The following GPCPD1 variants were observed in gnomAD, a reference collection of about 807,000 sequenced individuals.
GPCPD1 encodes the protein glycerophosphocholine phosphodiesterase GPCPD1.
GPCPD1 carries 29 observed loss-of-function variants against 89.2 expected under a neutral mutation model. That is an observed-to-expected ratio of 0.33 (90% CI 0.24 to 0.44). The LOEUF (loss-of-function observed/expected upper bound fraction) is 0.44, where lower values mean the gene tolerates loss of function less well. Among genes scored for constraint, GPCPD1 ranks in the 20% least tolerant of loss-of-function variants. GPCPD1 has a pLI of 1.00. For synonymous variants in GPCPD1, 258 were observed against 266.3 expected, an observed-to-expected ratio of 0.97 and a Z score of 0.30; for missense variants, 594 against 808.9, an observed-to-expected ratio of 0.73 and a Z score of 3.22.
chr20:5,554,724 G>C (rs184681991), intron 19 of GPCPD1, among the ~76,000 whole-genome samples: 91 of 152,330 alleles, frequency 6.0e-4, no homozygotes, highest in Middle Eastern at 3.4e-3. Flanking sequence ...CATGGATCAA[G>C]GAGTCACTTT....
At chr20:5,571,158 G>A (rs920874855) in intron 11 of GPCPD1, among the ~76,000 whole-genome samples, 2 of 152,146 alleles carry the variant, frequency 1.3e-5, no homozygotes, top group Non-Finnish European at 2.9e-5. Context: ...GAATACACAT[G>A]GATCACAGAC....
At chr20:5,597,353 A>AT (rs1979805039) in intron 3 of GPCPD1, among the ~76,000 whole-genome samples, 1 of 152,104 alleles carries the variant, frequency 6.6e-6, no homozygotes, top group African/African-American at 2.4e-5. Flanking sequence ...AATGACCAGC[A>AT]TTTTTTGTTT....
intron 2 of GPCPD1, among the ~76,000 whole-genome samples, chr20:5,600,372 T>C (rs1002864104): frequency 1.3e-5 from 2 of 148,366 alleles, no homozygotes; most frequent in African/African-American, 5.0e-5. Flanking sequence ...CTTGGCCAAC[T>C]AGCAAAACCC....
At chr20:5,549,675 G>T (rs1413880171) in intron 19 of GPCPD1, among the ~76,000 whole-genome samples, 2 of 149,412 alleles carry the variant, frequency 1.3e-5, no homozygotes, top group African/African-American at 5.0e-5. Flanking sequence ...AACTCAGGAG[G>T]TCAAGGGAGC....
chr20:5,560,038 G>T lies in GPCPD1; in HGVS notation c.1434C>A (p.Asp478Glu). The change falls in exon 17 of 20, where the codon GAC becomes GAA. Residue 478 changes from aspartate (D) to glutamate (E), a missense_variant. Physicochemically the swap from Asp to Glu is conservative, Grantham distance 45. Coordinates refer to ENST00000379019, the MANE Select transcript of GPCPD1 (RefSeq NM_019593.5). Reference sequence around the variant, plus strand: ...AAATTATATCCAAAAACAGATTCATGTCAAAATATGTTGATAAGTTACCAT... The same window carrying T: ...AAATTATATCCAAAAACAGATTCATTTCAAAATATGTTGATAAGTTACCAT... ...MWDGNLSTYF[D>E]MNLFLDIILK... 1 of 1,581,124 alleles carries T rather than the reference G, an allele frequency of 6.3e-7. No homozygotes were observed. Among genetic ancestry groups the T allele is most frequent in the Non-Finnish European group, 8.6e-7 (1 of 1,161,158 alleles).
chr20:5,553,388 A>C (rs1265778768), intron 19 of GPCPD1, among the ~76,000 whole-genome samples: 1 of 152,128 alleles, frequency 6.6e-6, no homozygotes, highest in South Asian at 2.1e-4. Context: ...CCCTATTCTC[A>C]GAGACACATC....
intron 2 of GPCPD1, among the ~76,000 whole-genome samples, chr20:5,602,268 C>G (rs1980214234): frequency 6.6e-6 from 1 of 152,254 alleles, no homozygotes; most frequent in South Asian, 2.1e-4. Context: ...CCCAATCAAG[C>G]TGACACTTCT....
chr20:5,558,676 T>A lies in GPCPD1; in HGVS notation c.1668+8A>T. On this transcript the variant is annotated splice_region_variant and intron_variant, in intron 18 of 19. Transcript: ENST00000379019. ...CATTAAAAAGATAAAAATTCAAACA[T>A]AACTTACCAGTAGATTTTCAAACTG... 6.6e-7 allele frequency: 1 copy of A among 1,517,402 alleles called. No individual in the cohort carries two copies. Among genetic ancestry groups the A allele is most frequent in the Non-Finnish European group, 9.0e-7 (1 of 1,115,786 alleles). 94.0% of individuals were successfully genotyped at this position (1,517,402 alleles called of 1,614,324 possible). A position where few individuals can be genotyped will look rare whatever the true frequency, so the allele number is the denominator to read the frequency against.
intron 13 of GPCPD1, among the ~76,000 whole-genome samples, 160 bp from the exon 14 acceptor site, chr20:5,566,932 A>G (rs1326920967): frequency 6.6e-6 from 1 of 152,224 alleles, no homozygotes; most frequent in Non-Finnish European, 1.5e-5. Flanking sequence ...TATATATTTT[A>G]TATGTGCATA....
Position 5,584,331 on chromosome 20 carries a change from T to C in GPCPD1, c.308-9A>G, listed in dbSNP as rs767918548. ...AATAATAATTTCGCTTTCTAGAATTTAAGGAAAATAGAAAATTTAGTTAAA... is the reference window on the plus strand; with the variant it reads ...AATAATAATTTCGCTTTCTAGAATTCAAGGAAAATAGAAAATTTAGTTAAA... On this transcript the variant is annotated splice_polypyrimidine_tract_variant and intron_variant, in intron 5 of 19. Coordinates refer to ENST00000379019, the MANE Select transcript of GPCPD1 (RefSeq NM_019593.5). 7.7e-7 allele frequency: 1 copy of C among 1,304,994 alleles called. No homozygotes were observed. The highest frequency in any genetic ancestry group is 1.8e-4 in the Middle Eastern group (1 of 5,486). The allele number at this position is 1,304,994 out of a possible 1,614,324, so 80.8% of individuals were successfully genotyped here.
rs192674435 is a variant in GPCPD1 at position 5,558,200 on chromosome 20, G to A, written c.1669-95C>T. 3.3e-3 allele frequency: 2,153 copies of A among 650,944 alleles called. 14 individuals carry two copies. The highest frequency in any genetic ancestry group is 2.6e-3 in the Non-Finnish European group (1,023 of 391,514). 40.3% of individuals were successfully genotyped at this position (650,944 alleles called of 1,614,324 possible). A position where few individuals can be genotyped will look rare whatever the true frequency, so the allele number is the denominator to read the frequency against. On this transcript the variant is annotated intron_variant, in intron 18 of 19. Transcript: ENST00000379019. Reference sequence around the variant, plus strand: ...AATCAGTGCTCTCCAAAGTACAGCAGGCGGGAAAAGAAAATGGTAGATTTT... The same window carrying A: ...AATCAGTGCTCTCCAAAGTACAGCAAGCGGGAAAAGAAAATGGTAGATTTT...
At chr20:5,561,976 A>T (rs1354935007) in intron 15 of GPCPD1, among the ~76,000 whole-genome samples, 4 of 152,228 alleles carry the variant, frequency 2.6e-5, no homozygotes, top group African/African-American at 9.6e-5. Context: ...GAAGGTGATG[A>T]TGCTAAACAA....
intron 4 of GPCPD1, among the ~76,000 whole-genome samples, chr20:5,587,207 A>G (rs1362861628): frequency 6.6e-6 from 1 of 152,210 alleles, no homozygotes; most frequent in Non-Finnish European, 1.5e-5. Context: ...CACATTTTCA[A>G]ACTATAATCT....
chr20:5,560,094 AAAAT>A lies in GPCPD1; in HGVS notation c.1396-22_1396-19del. 1 of 1,508,550 alleles carries A rather than the reference AAAAT, an allele frequency of 6.6e-7. No individual in the cohort carries two copies. Among genetic ancestry groups the A allele is most frequent in the Non-Finnish European group, 8.8e-7 (1 of 1,129,992 alleles). 93.4% of individuals were successfully genotyped at this position (1,508,550 alleles called of 1,614,324 possible). ...ATTCCATCCTAGTGAAAGAGAAAGC[AAAAT>A]AAAAGTCACTGCACATCCTAAAATC... On this transcript the variant is annotated intron_variant, in intron 16 of 19. Coordinates refer to ENST00000379019, the MANE Select transcript of GPCPD1 (RefSeq NM_019593.5).
intron 4 of GPCPD1, among the ~76,000 whole-genome samples, chr20:5,587,922 T>C (rs1979041410): frequency 6.6e-6 from 1 of 152,192 alleles, no homozygotes; most frequent in Non-Finnish European, 1.5e-5. Context: ...GTTTAAAAAC[T>C]AAAATAGCAC....
chr20:5,574,486 G>C (rs1978285241), intron 10 of GPCPD1, among the ~76,000 whole-genome samples: 1 of 152,180 alleles, frequency 6.6e-6, no homozygotes, highest in African/African-American at 2.4e-5. Flanking sequence ...TGTAACCCCA[G>C]CACTTTGGGA....
chr20:5,609,555 G>T (rs1486348316), intron 1 of GPCPD1, among the ~76,000 whole-genome samples: 1 of 152,080 alleles, frequency 6.6e-6, no homozygotes, highest in African/African-American at 2.4e-5. Flanking sequence ...TCTTGTGTAT[G>T]TTTCATACCT....
chr20:5,547,699 C>G lies in GPCPD1; in HGVS notation c.1981G>C (p.Val661Leu). 1 of 1,609,782 alleles carries G rather than the reference C, an allele frequency of 6.2e-7. No homozygotes were observed. The highest frequency in any genetic ancestry group is 8.5e-7 in the Non-Finnish European group (1 of 1,176,816). ...ACGTTATCAATGCCGTTGGCATCCA[C>G]ATGGATATCAGACTCCCCACACAAA... The part of the protein sequence containing the change: ...SSLCGESDIH[V>L]DANGIDNVEN... Residue 661 changes from valine (V) to leucine (L), a missense_variant, in exon 20 of 20, where the codon GTG (valine) becomes CTG (leucine). Val to Leu is a conservative substitution (Grantham distance 32). Coordinates refer to ENST00000379019, the MANE Select transcript of GPCPD1 (RefSeq NM_019593.5).
rs376485328 is a variant in GPCPD1, at chr20:5,547,877, T to C, written c.1830-27A>G. 9.5e-6 allele frequency: 12 copies of C among 1,267,216 alleles called. No individual in the cohort carries two copies. In the African/African-American group the frequency reaches 1.6e-4, roughly 17 times the overall value. The allele number at this position is 1,267,216 out of a possible 1,614,324, so 78.5% of individuals were successfully genotyped here. On this transcript the variant is annotated intron_variant, in intron 19 of 19. Transcript: ENST00000379019. Reference sequence around the variant, plus strand: ...TATGATGAAACAAATACAAAACACATAAAATACTGTAATTTTATGGTTTAC... The same window carrying C: ...TATGATGAAACAAATACAAAACACACAAAATACTGTAATTTTATGGTTTAC...
Sources: allele counts gnomAD v4.1 joint callset (sites outside exome capture counted in the v4.1 genomes callset), GRCh38; gene constraint gnomAD v4.1.1; transcripts MANE v1.5; gene names NCBI Gene and HGNC (gene_info 2026-07-23, HGNC 2026-07-21).